The following PTPRN2 variants were observed in gnomAD, a reference collection of about 807,000 sequenced individuals.
The protein encoded by PTPRN2 is protein tyrosine phosphatase receptor type N2, also known as receptor-type tyrosine-protein phosphatase N2.
A neutral mutation model predicts 118.8 loss-of-function variants in PTPRN2; 74 were observed. The observed-to-expected ratio is 0.62, with a 90% CI of 0.52 to 0.76. The LOEUF is 0.76. PTPRN2 is among the 30% of genes least tolerant of loss of function. The pLI, the probability that PTPRN2 is intolerant of heterozygous loss-of-function variation, is 0.00. For missense variants in PTPRN2, 1,481 were observed against 1,394.4 expected, an observed-to-expected ratio of 1.06 and a Z score of -0.99; for synonymous variants, 641 against 608.0, an observed-to-expected ratio of 1.05 and a Z score of -0.80.
At position 158,133,668 on chromosome 7, in the gene PTPRN2, G is replaced by A. The variant is rs778622470; in HGVS notation, c.1556+9C>T. 6.4e-7 allele frequency: 1 copy of A among 1,559,064 alleles called. No homozygotes were observed. Among genetic ancestry groups the A allele is most frequent in the Admixed American group, 1.8e-5 (1 of 56,570 alleles). ...GGCACACAGGAGCTTAGCCAGGGCT[G>A]CTACTCACTCTCTGTCTGTCACGAT... On this transcript the variant is annotated intron_variant, in intron 9 of 22. Coordinates refer to ENST00000389418, the MANE Select transcript of PTPRN2 (RefSeq NM_002847.5).
intron 3 of PTPRN2, among the ~76,000 whole-genome samples, chr7:158,296,039 G>A (rs572569805): frequency 6.0e-4 from 92 of 152,346 alleles, no homozygotes; most frequent in African/African-American, 2.1e-3. Context: ...GGGTGGAGAA[G>A]GGCGGGTCTC....
At position 158,273,508 on chromosome 7, in the gene PTPRN2, G is replaced by T. The variant is rs567191747; in HGVS notation, c.277+43311C>A. Among the ~76,000 whole-genome samples, 26 of 120,640 alleles carry T rather than the reference G, an allele frequency of 2.2e-4. 1 individual carries two copies. The highest frequency in any genetic ancestry group is 9.2e-4 in the African/African-American group (25 of 27,148). The allele number at this position is 120,640 out of a possible 152,430, so 79.1% of individuals were successfully genotyped here. A position where few individuals can be genotyped will look rare whatever the true frequency, so the allele number is the denominator to read the frequency against. Reference sequence around the variant, plus strand: ...GGGAGCCGCAGGCACAGGGGGAGCCGCAGACAGACATGGGAGGAGCCGCAG... The same window carrying T: ...GGGAGCCGCAGGCACAGGGGGAGCCTCAGACAGACATGGGAGGAGCCGCAG... On this transcript the variant is annotated intron_variant, in intron 3 of 22. Coordinates refer to ENST00000389418, the MANE Select transcript of PTPRN2 (RefSeq NM_002847.5).
rs982703084 is a variant in PTPRN2 at position 157,780,789 on chromosome 7, T to C, written c.1789-97852A>G. 6.6e-6 allele frequency among the ~76,000 whole-genome samples: 1 copy of C among 151,896 alleles called. No individual in the cohort carries two copies. The highest frequency in any genetic ancestry group is 1.5e-5 in the Non-Finnish European group (1 of 67,968). On this transcript the variant is annotated intron_variant, in intron 12 of 22. Transcript: ENST00000389418. This position sits in a 1 kb window ranked among gnomAD's most constrained non-coding sequence, Gnocchi z 4.5. The stretch of plus-strand genomic sequence containing the variant: ...TGCCCCCGGGCCAAGGTGGACGAGC[T>C]CTCCAAACTCGCTTTCTCTGCCTCA...
chr7:157,880,680 G>A (rs76042066), intron 12 of PTPRN2, among the ~76,000 whole-genome samples: 2,325 of 152,294 alleles, frequency 0.015, 75 homozygotes, highest in African/African-American at 0.053. Context: ...TGCTATGGCT[G>A]GATGGCTCAG....
At chr7:158,126,055 C>G (rs1239475850) in intron 9 of PTPRN2, among the ~76,000 whole-genome samples, 1 of 148,474 alleles carries the variant, frequency 6.7e-6, no homozygotes, top group Non-Finnish European at 1.5e-5. Flanking sequence ...ACACCAGCCC[C>G]CAGGACAGCG....
intron 11 of PTPRN2, among the ~76,000 whole-genome samples, chr7:157,907,366 G>A (rs1167301354): frequency 6.6e-6 from 1 of 151,772 alleles, no homozygotes; most frequent in Non-Finnish European, 1.5e-5. Flanking sequence ...TCCCCTGCGT[G>A]TGGGGTGTCC....
At chr7:157,575,678 C>T (rs1799998700) in intron 19 of PTPRN2, among the ~76,000 whole-genome samples, 1 of 152,190 alleles carries the variant, frequency 6.6e-6, no homozygotes, top group East Asian at 1.9e-4. Context: ...CGTTAACCTC[C>T]CTCCAGTTAC....
chr7:158,146,601 G>C (rs201821903), intron 6 of PTPRN2, among the ~76,000 whole-genome samples: 5 of 150,454 alleles, frequency 3.3e-5, no homozygotes, highest in African/African-American at 9.9e-5. Flanking sequence ...GGCGCCTGTA[G>C]TCCCAGCTAC....
intron 12 of PTPRN2, among the ~76,000 whole-genome samples, chr7:157,774,200 A>AT (rs1417431579): frequency 1.3e-5 from 2 of 152,220 alleles, no homozygotes; most frequent in Non-Finnish European, 2.9e-5. Flanking sequence ...CAGACAATCT[A>AT]TTTTTTGAAA....
chr7:158,351,305 C>A (rs1807914005), intron 2 of PTPRN2, among the ~76,000 whole-genome samples: 3 of 152,132 alleles, frequency 2.0e-5, no homozygotes, highest in Non-Finnish European at 1.5e-5. Flanking sequence ...TCCCCAGCTC[C>A]CTCCTACTGC....
In PTPRN2 at chr7:157,619,227, T is replaced by C. The variant is rs563723194; in HGVS notation, c.2344+2135A>G. ...GTTTCTGCCACGCTCCGGGCTGTCT[T>C]TGGGGAGGGCGTGCTGTCAGATGAA... On this transcript the variant is annotated intron_variant, in intron 15 of 22. Transcript: ENST00000389418. This position sits in a 1 kb window ranked among gnomAD's most constrained non-coding sequence, Gnocchi z 5.3. 5.3e-5 allele frequency among the ~76,000 whole-genome samples: 8 copies of C among 152,260 alleles called. No individual in the cohort carries two copies. Among genetic ancestry groups the C allele is most frequent in the African/African-American group, 1.9e-4 (8 of 41,530 alleles).
At chr7:158,367,468 G>T (rs1809628279) in intron 2 of PTPRN2, among the ~76,000 whole-genome samples, 1 of 152,222 alleles carries the variant, frequency 6.6e-6, no homozygotes, top group Admixed American at 6.5e-5. Context: ...GGACGCAGTG[G>T]TTCACAGGAT....
At chr7:158,020,851 C>T (rs986226369) in intron 11 of PTPRN2, among the ~76,000 whole-genome samples, 1 of 152,190 alleles carries the variant, frequency 6.6e-6, no homozygotes. Flanking sequence ...CAATAACCTT[C>T]TTCTTCCAAG....
At chr7:157,723,901 C>T (rs540019688) in intron 12 of PTPRN2, among the ~76,000 whole-genome samples, 11 of 152,328 alleles carry the variant, frequency 7.2e-5, no homozygotes, top group South Asian at 2.1e-4. Context: ...CAGAGCAGAA[C>T]GTCTGGGAAT....
chr7:158,376,243 G>A (rs1016715750), intron 2 of PTPRN2, among the ~76,000 whole-genome samples: 11 of 152,056 alleles, frequency 7.2e-5, no homozygotes, highest in African/African-American at 2.2e-4. Flanking sequence ...CCCGTCACAC[G>A]TCCTGCATGC....
intron 2 of PTPRN2, among the ~76,000 whole-genome samples, chr7:158,412,798 T>A (rs1376442104): frequency 1.1e-3 from 58 of 51,592 alleles, no homozygotes; most frequent in Admixed American, 2.3e-3. Flanking sequence ...CCTCCTCAGC[T>A]CCAGGGCCCA....
chr7:158,071,676 G>C (rs1246101615), intron 11 of PTPRN2, among the ~76,000 whole-genome samples: 1 of 128,216 alleles, frequency 7.8e-6, no homozygotes, highest in East Asian at 2.6e-4. Flanking sequence ...GGTGGTGGAG[G>C]TGCTCCTGGT....
chr7:158,168,214 G>A (rs1044241821), intron 5 of PTPRN2, among the ~76,000 whole-genome samples: 1 of 152,228 alleles, frequency 6.6e-6, no homozygotes, highest in Non-Finnish European at 1.5e-5. Context: ...ACCGTGCTGT[G>A]TCACTTGCAT....
chr7:157,829,760 C>T (rs981084984), intron 12 of PTPRN2, among the ~76,000 whole-genome samples: 9 of 152,234 alleles, frequency 5.9e-5, no homozygotes, highest in African/African-American at 1.2e-4. Flanking sequence ...CATTGAAGGT[C>T]GCTCCAGGAA....
Sources: gnomAD v4.1 joint callset for allele counts (sites outside exome capture counted in the v4.1 genomes callset) on GRCh38, gnomAD v4.1.1 for gene constraint, Gnocchi (gnomAD v3.1) non-coding constraint, MANE v1.5 for transcripts, NCBI Gene and HGNC (gene_info 2026-07-23, HGNC 2026-07-21) for gene names.